Variants in RAPGEF1 observed in about 807,000 individuals in gnomAD.
RAPGEF1 encodes Rap guanine nucleotide exchange factor 1.
In RAPGEF1, 33 loss-of-function variants were observed where a neutral mutation model predicts 143.3. The ratio of observed to expected loss-of-function variants is 0.23; its 90% CI spans 0.17 to 0.31. RAPGEF1 has a LOEUF of 0.31. Ranked by LOEUF, RAPGEF1 falls within the 10% of genes least tolerant of loss-of-function variation. The pLI, the probability that RAPGEF1 is intolerant of heterozygous loss-of-function variation, is 1.00. For synonymous variants in RAPGEF1, 629 were observed against 676.5 expected (o/e 0.93, Z 1.09); for missense variants, 1,199 against 1,645.4 (o/e 0.73, Z 4.69).
intron 1 of RAPGEF1, among the ~76,000 whole-genome samples, chr9:131,719,879 TTTC>T (rs201050433): frequency 0.015 from 2,231 of 145,346 alleles, 41 homozygotes; most frequent in African/African-American, 0.053. Context: ...TCTTCTTTTC[TTTC>T]TTTCTTTTTT....
chr9:131,716,744 G>C (rs1208874507), intron 1 of RAPGEF1, among the ~76,000 whole-genome samples: 8 of 152,218 alleles, frequency 5.3e-5, no homozygotes, highest in African/African-American at 1.9e-4. Flanking sequence ...TTGCACTCCA[G>C]CCCGGGTGAC....
rs780869855 is a variant in RAPGEF1 at position 131,628,782 on chromosome 9, C to T, written c.894-110G>A. The T allele has an allele frequency of 2.6e-4, 362 of 1,393,048 alleles. No homozygotes were observed. The highest frequency in any genetic ancestry group is 3.2e-4 in the Non-Finnish European group (327 of 1,032,582). The allele number at this position is 1,393,048 out of a possible 1,614,324, so 86.3% of individuals were successfully genotyped here. On this transcript the variant is annotated intron_variant, in intron 7 of 26. Transcript: ENST00000683357. The surrounding 1 kb of genome is among the most constrained non-coding windows in gnomAD (Gnocchi z 5.7). ...TCTTTCATTACTAGACTCTCCACAC[C>T]CAATGTTCACACTTCAACTCCTGCC... is the stretch of plus-strand genomic sequence containing the variant.
Position 131,677,774 on chromosome 9 carries a change from A to G in RAPGEF1, c.62-26825T>C, listed in dbSNP as rs549299509. Reference sequence around the variant, plus strand: ...CTCCTCTGCTCAAGCAGACCAGGGAAGGCAAATGAAACAGGCTCAGAAGAC... The same window carrying G: ...CTCCTCTGCTCAAGCAGACCAGGGAGGGCAAATGAAACAGGCTCAGAAGAC... On this transcript the variant is annotated intron_variant, in intron 1 of 26. Transcript: ENST00000683357. Among the ~76,000 whole-genome samples, 79 of 152,240 alleles carry G rather than the reference A, an allele frequency of 5.2e-4. 1 individual carries two copies. Among genetic ancestry groups the G allele is most frequent in the Non-Finnish European group, 9.6e-4 (65 of 68,038 alleles).
At chr9:131,658,272 C>T (rs929745739) in intron 1 of RAPGEF1, among the ~76,000 whole-genome samples, 1 of 152,196 alleles carries the variant, frequency 6.6e-6, no homozygotes, top group Admixed American at 6.5e-5. Flanking sequence ...GCTCCATATT[C>T]CTCCCGGCAC....
chr9:131,615,109 G>T (rs998150537), intron 12 of RAPGEF1, among the ~76,000 whole-genome samples: 1 of 152,338 alleles, frequency 6.6e-6, no homozygotes, highest in Admixed American at 6.5e-5. Context: ...GTCTTGCTCT[G>T]TTGCCCAGGC....
chr9:131,687,604 T>C (rs1368017937), intron 1 of RAPGEF1, among the ~76,000 whole-genome samples: 2 of 152,168 alleles, frequency 1.3e-5, no homozygotes, highest in Non-Finnish European at 2.9e-5. Context: ...TCCTTGGCTT[T>C]TAATGGGAAG....
At chr9:131,588,160 G>A (rs1286916933) in intron 20 of RAPGEF1, 134 bp from the exon 21 acceptor site, 51 of 764,250 alleles carry the variant, frequency 6.7e-5, no homozygotes, top group Non-Finnish European at 1.0e-4. Context: ...ACAGGGCGGG[G>A]AAGCCCCAAA....
chr9:131,606,578 A>G (rs1361447115), intron 12 of RAPGEF1, among the ~76,000 whole-genome samples: 2 of 152,182 alleles, frequency 1.3e-5, no homozygotes, highest in Non-Finnish European at 2.9e-5. Context: ...AACCCATGGA[A>G]AAGAGGAAGA....
Position 131,589,648 on chromosome 9 carries a change from G to A in RAPGEF1, c.2867+238C>T, listed in dbSNP as rs944179281. Among the ~76,000 whole-genome samples, 7 of 152,306 alleles carry A rather than the reference G, an allele frequency of 4.6e-5. No homozygotes were observed. In the East Asian group the frequency reaches 5.8e-4, roughly 13 times the overall value. On this transcript the variant is annotated intron_variant, in intron 19 of 26. Coordinates refer to ENST00000683357, the MANE Select transcript of RAPGEF1 (RefSeq NM_001377935.1). ...TACCATGGGAGCAGGTGCGTTGGGCGGGTTCTCTCCTGAGGGTCCAGGAGG... is the reference window on the plus strand; with the variant it reads ...TACCATGGGAGCAGGTGCGTTGGGCAGGTTCTCTCCTGAGGGTCCAGGAGG...
In RAPGEF1 at chr9:131,598,261, C is replaced by T. The variant is rs749035368; in HGVS notation, c.2551G>A (p.Val851Met). 1 of 1,614,050 alleles carries T rather than the reference C, an allele frequency of 6.2e-7. No homozygotes were observed. ...ALESAQSEEEVDELSLIDHNE... is the reference protein window; with the variant it reads ...ALESAQSEEEMDELSLIDHNE... The stretch of plus-strand genomic sequence containing the variant: ...TGGTCAATGAGGGACAGCTCGTCCA[C>T]TTCCTCCTCCGACTGAGCCGACTCC... The change falls in exon 16 of 27, where the codon GTG becomes ATG. Residue 851 changes from valine to methionine, a missense_variant. Transcript: ENST00000683357.
At chr9:131,732,977 G>T (rs1216017531) in intron 1 of RAPGEF1, among the ~76,000 whole-genome samples, 2 of 152,108 alleles carry the variant, frequency 1.3e-5, no homozygotes, top group Non-Finnish European at 2.9e-5. Context: ...CTCAAGCATT[G>T]ATCTGGGGCA....
At chr9:131,737,368 C>T (rs770526610) in intron 1 of RAPGEF1, 6 of 1,613,756 alleles carry the variant, frequency 3.7e-6, no homozygotes, top group Non-Finnish European at 4.2e-6. Flanking sequence ...CCTCCAGTGT[C>T]TTCCTCATTC....
intron 3 of RAPGEF1, among the ~76,000 whole-genome samples, chr9:131,647,873 T>C (rs1266209161): frequency 6.6e-6 from 1 of 152,102 alleles, no homozygotes; most frequent in Non-Finnish European, 1.5e-5. Flanking sequence ...CAGAGAATTC[T>C]TTGTTGTGTG....
intron 1 of RAPGEF1, among the ~76,000 whole-genome samples, chr9:131,651,814 A>G (rs1482113429): frequency 2.0e-5 from 3 of 152,236 alleles, no homozygotes; most frequent in Non-Finnish European, 4.4e-5. Flanking sequence ...CAAATGTCAT[A>G]GAGTATACTC....
At chr9:131,608,178 C>T (rs1009387793) in intron 12 of RAPGEF1, among the ~76,000 whole-genome samples, 2 of 152,190 alleles carry the variant, frequency 1.3e-5, no homozygotes, top group African/African-American at 4.8e-5. Context: ...TGCGACGTTC[C>T]GCGAGACGCA....
intron 1 of RAPGEF1, among the ~76,000 whole-genome samples, chr9:131,691,067 G>A (rs941260461): frequency 6.6e-6 from 1 of 152,114 alleles, no homozygotes; most frequent in African/African-American, 2.4e-5. Flanking sequence ...TTAGGCCTTT[G>A]ATTACTTAAG....
intron 1 of RAPGEF1, among the ~76,000 whole-genome samples, chr9:131,736,456 G>C (rs1837421068): frequency 1.3e-5 from 2 of 152,194 alleles, no homozygotes; most frequent in African/African-American, 4.8e-5. Flanking sequence ...CCCCAAATGT[G>C]AGGCCTATGA....
intron 3 of RAPGEF1, among the ~76,000 whole-genome samples, chr9:131,646,729 A>G (rs960904219): frequency 6.6e-6 from 1 of 152,220 alleles, no homozygotes; most frequent in Non-Finnish European, 1.5e-5. Context: ...ATGTGGGTAA[A>G]GCCAGGGAGT....
At chr9:131,684,842 G>A (rs957353347) in intron 1 of RAPGEF1, among the ~76,000 whole-genome samples, 1 of 152,158 alleles carries the variant, frequency 6.6e-6, no homozygotes, top group African/African-American at 2.4e-5. Context: ...AAGAGATTCC[G>A]GGAGGATCCC....
Sources: gnomAD v4.1 joint callset for allele counts (sites outside exome capture counted in the v4.1 genomes callset) on GRCh38, gnomAD v4.1.1 for gene constraint, Gnocchi (gnomAD v3.1) non-coding constraint, MANE v1.5 for transcripts, NCBI Gene and HGNC (gene_info 2026-07-23, HGNC 2026-07-21) for gene names.